Variants in RALYL observed in about 807,000 individuals in gnomAD.
RALYL encodes RALY RNA binding protein like.
Under a neutral mutation model 35.1 loss-of-function variants are expected in RALYL, and 29 were observed. The observed-to-expected ratio is 0.83, with a 90% CI of 0.61 to 1.13. The LOEUF is 1.13. RALYL is among the 50% of genes most tolerant of loss of function. RALYL has a pLI of 0.00. For synonymous variants in RALYL, 120 were observed against 127.6 expected (o/e 0.94, Z 0.40); for missense variants, 359 against 360.4 (o/e 1.00, Z 0.03).
chr8:84,763,277 C>G (rs1242729722), intron 2 of RALYL, among the ~76,000 whole-genome samples: 1 of 152,140 alleles, frequency 6.6e-6, no homozygotes, highest in East Asian at 1.9e-4. Flanking sequence ...CTTTGCTTCA[C>G]CAAGGTAAAA....
At chr8:84,621,738 T>C (rs1821546066) in intron 2 of RALYL, among the ~76,000 whole-genome samples, 1 of 152,204 alleles carries the variant, frequency 6.6e-6, no homozygotes, top group Non-Finnish European at 1.5e-5. Flanking sequence ...AGGTTAGCTG[T>C]AGCCTTGTAG....
intron 2 of RALYL, chr8:84,705,947 C>A: frequency 1.3e-6 from 2 of 1,524,522 alleles, no homozygotes; most frequent in Non-Finnish European, 1.8e-6. Context: ...AGTCTTACTG[C>A]AAAGCAGGAG....
chr8:84,739,421 C>T (rs922437137), intron 2 of RALYL, among the ~76,000 whole-genome samples: 2 of 151,508 alleles, frequency 1.3e-5, no homozygotes, highest in African/African-American at 4.8e-5. Context: ...AAATAAATGA[C>T]TAAGTGTCAA....
chr8:84,490,078 C>CGTGCGT (rs749952859), intron 1 of RALYL, among the ~76,000 whole-genome samples: 3 of 91,846 alleles, frequency 3.3e-5, no homozygotes, highest in Non-Finnish European at 7.7e-5. Context: ...TGCTTGCGTG[C>CGTGCGT]ATGTGTGTGT....
intron 2 of RALYL, among the ~76,000 whole-genome samples, chr8:84,529,883 C>G (rs2059161409): frequency 6.6e-6 from 1 of 152,142 alleles, no homozygotes; most frequent in Non-Finnish European, 1.5e-5. Context: ...GAGATAGCAT[C>G]TGTCTTCCAG....
intron 2 of RALYL, among the ~76,000 whole-genome samples, chr8:84,572,803 T>C (rs957985602): frequency 6.6e-6 from 1 of 151,820 alleles, no homozygotes; most frequent in Non-Finnish European, 1.5e-5. Context: ...AATGTACTTA[T>C]TATGGTTACA....
chr8:84,918,500 A>C (rs1461846024), intron 8 of RALYL, among the ~76,000 whole-genome samples: 1 of 152,096 alleles, frequency 6.6e-6, no homozygotes, highest in Non-Finnish European at 1.5e-5. Flanking sequence ...TTGTTTTAAA[A>C]GCTTCCAAGC....
chr8:84,821,823 A>G (rs1449721727), intron 4 of RALYL, among the ~76,000 whole-genome samples: 3 of 152,206 alleles, frequency 2.0e-5, no homozygotes, highest in Non-Finnish European at 4.4e-5. Flanking sequence ...TATCAGGAAG[A>G]AAAAATGCAT....
intron 1 of RALYL, among the ~76,000 whole-genome samples, chr8:84,331,996 T>C (rs981180095): frequency 6.6e-6 from 1 of 152,126 alleles, no homozygotes; most frequent in African/African-American, 2.4e-5. Context: ...ATAGCTGAAG[T>C]TATATGACCT....
chr8:84,570,777 G>A (rs1340634119), intron 2 of RALYL, among the ~76,000 whole-genome samples: 1 of 151,736 alleles, frequency 6.6e-6, no homozygotes, highest in Non-Finnish European at 1.5e-5. Flanking sequence ...CTGGTTTTTT[G>A]TGGGTTTTGT....
intron 2 of RALYL, among the ~76,000 whole-genome samples, chr8:84,550,381 G>T (rs1303343391): frequency 2.6e-5 from 4 of 152,004 alleles, no homozygotes; most frequent in African/African-American, 7.2e-5. Flanking sequence ...TCTAAGAATT[G>T]AACAGCCTTG....
intron 2 of RALYL, among the ~76,000 whole-genome samples, chr8:84,688,374 A>C (rs987417234): frequency 2.6e-5 from 4 of 152,232 alleles, no homozygotes; most frequent in African/African-American, 9.6e-5. Context: ...TGCTGGCATA[A>C]AAACAGATAT....
chr8:84,203,331 G>T (rs1817348654), intron 1 of RALYL, among the ~76,000 whole-genome samples: 1 of 150,686 alleles, frequency 6.6e-6, no homozygotes, highest in African/African-American at 2.4e-5. Context: ...ATTCTGGAAA[G>T]TACAGGAAGA....
intron 2 of RALYL, among the ~76,000 whole-genome samples, chr8:84,688,584 T>C (rs529319566): frequency 1.1e-4 from 17 of 152,160 alleles, no homozygotes; most frequent in Admixed American, 3.3e-4. Flanking sequence ...TCAAAATTGA[T>C]TAAAGATTTA....
intron 1 of RALYL, among the ~76,000 whole-genome samples, chr8:84,311,833 C>A (rs1842876142): frequency 6.6e-6 from 1 of 151,984 alleles, no homozygotes; most frequent in South Asian, 2.1e-4. Context: ...AGAGTCAGAG[C>A]AACAATACCA....
At chr8:84,845,726 A>G (rs1016751772) in intron 4 of RALYL, among the ~76,000 whole-genome samples, 1 of 151,708 alleles carries the variant, frequency 6.6e-6, no homozygotes, top group South Asian at 2.1e-4. Context: ...AACGTAGCCA[A>G]TATCAAAAAG....
chr8:84,859,303 C>T lies in RALYL; in HGVS notation c.414-2993C>T, dbSNP rs192628108. 5.9e-5 allele frequency among the ~76,000 whole-genome samples: 9 copies of T among 152,116 alleles called. No homozygotes were observed. In the East Asian group the frequency reaches 9.7e-4, roughly 16 times the overall value. ...AAAAAGGTGGCAGGATGAGGAGGGG[C>T]GCAAAGGGAGTAGCCTCTGGTCCTT... is the stretch of plus-strand genomic sequence containing the variant. On this transcript the variant is annotated intron_variant, in intron 5 of 8. Coordinates refer to ENST00000521268, the MANE Select transcript of RALYL (RefSeq NM_173848.7).
intron 1 of RALYL, among the ~76,000 whole-genome samples, chr8:84,462,902 C>T (rs1381210498): frequency 6.6e-6 from 1 of 151,796 alleles, no homozygotes; most frequent in Admixed American, 6.6e-5. Context: ...TATAAAGCAA[C>T]CCACCTTTGT....
intron 2 of RALYL, among the ~76,000 whole-genome samples, chr8:84,647,639 A>G (rs572272772): frequency 1.3e-5 from 2 of 152,160 alleles, no homozygotes; most frequent in East Asian, 1.9e-4. Context: ...GACTCAATTT[A>G]TTATCTCTAG....
Sources: gnomAD v4.1 joint callset for allele counts (sites outside exome capture counted in the v4.1 genomes callset) on GRCh38, gnomAD v4.1.1 for gene constraint, MANE v1.5 for transcripts, NCBI Gene and HGNC (gene_info 2026-07-23, HGNC 2026-07-21) for gene names.